Variants in AMMECR1 observed in about 807,000 individuals in gnomAD.
AMMECR1 encodes AMMECR nuclear protein 1.
AMMECR1 carries 3 observed loss-of-function variants against 22.5 expected under a neutral mutation model. That is an observed-to-expected ratio of 0.13 (90% CI 0.06 to 0.35). AMMECR1 has a LOEUF of 0.35. Among genes scored for constraint, AMMECR1 ranks in the 10% least tolerant of loss-of-function variants. The probability of loss-of-function intolerance (pLI) is 1.00; values close to 1 mark genes in which losing one functional copy is unlikely to be tolerated. For missense variants in AMMECR1, 235 were observed against 278.7 expected (o/e 0.84, Z 1.12); for synonymous variants, 130 against 116.7 (o/e 1.11, Z -0.74).
intron 2 of AMMECR1, among the ~76,000 whole-genome samples, chrX:110,250,849 A>G (rs1198909799): frequency 1.8e-5 from 2 of 112,097 alleles, no homozygotes; most frequent in African/African-American, 3.2e-5. Context: ...TTCTAGGTCT[A>G]TGGTTCCATG....
intron 3 of AMMECR1, among the ~76,000 whole-genome samples, chrX:110,215,287 C>G (rs901300864): frequency 1.8e-5 from 2 of 111,675 alleles, no homozygotes; most frequent in East Asian, 5.6e-4. Context: ...TCACCCCACC[C>G]CCTAAAACTT....
In AMMECR1 at chrX:110,264,519, T is replaced by C. The variant is rs1445295667; in HGVS notation, c.554A>G (p.His185Arg). Residue 185 changes from histidine (H) to arginine (R), a missense_variant, in exon 2 of 6, where the codon CAT (histidine) becomes CGT (arginine). This residue lies in a region of AMMECR1 where 111 missense variants were observed against 181.7 expected (regional missense o/e 0.61). Coordinates refer to ENST00000262844, the MANE Select transcript of AMMECR1 (RefSeq NM_015365.3). Reference sequence around the variant, plus strand: ...AAGTGTGTACTCCCTGAGTCCTGAATGCAAATTCATGGCAGAAAAAGTACC... The same window carrying C: ...AAGTGTGTACTCCCTGAGTCCTGAACGCAAATTCATGGCAGAAAAAGTACC... ...CIGTFSAMNL[H>R]SGLREYTLTS... 2.5e-6 allele frequency: 3 copies of C among 1,204,688 alleles called. No homozygotes were observed. The highest frequency in any genetic ancestry group is 3.4e-6 in the Non-Finnish European group (3 of 891,929).
At chrX:110,220,644 C>T (rs1441212047) in intron 2 of AMMECR1, among the ~76,000 whole-genome samples, 1 of 111,660 alleles carries the variant, frequency 9.0e-6, no homozygotes, top group Non-Finnish European at 1.9e-5. Context: ...GCTGCTCCAT[C>T]ACCCATATGA....
chrX:110,344,729 C>A (rs376870265), intron 2 of AMMECR1, among the ~76,000 whole-genome samples: 13 of 111,344 alleles, frequency 1.2e-4, no homozygotes, highest in Non-Finnish European at 1.1e-4. Flanking sequence ...ATGCAGCCAA[C>A]AGACACATGA....
intron 2 of AMMECR1, among the ~76,000 whole-genome samples, chrX:110,253,994 TTAA>T (rs1057303187): frequency 6.3e-5 from 7 of 111,601 alleles, no homozygotes; most frequent in African/African-American, 2.3e-4. Context: ...CACCTCACCG[TTAA>T]TAAGGTGTAT....
At chrX:110,312,384 A>G (rs188941294) in intron 1 of AMMECR1, among the ~76,000 whole-genome samples, 4 of 112,542 alleles carry the variant, frequency 3.6e-5, no homozygotes, top group Non-Finnish European at 5.6e-5. Context: ...ATGGGTTAAC[A>G]GACCATTTTT....
intron 2 of AMMECR1, among the ~76,000 whole-genome samples, chrX:110,232,821 C>T (rs189416635): frequency 1.4e-3 from 132 of 91,217 alleles, no homozygotes; most frequent in African/African-American, 3.4e-3. Context: ...ACCCGGGAGG[C>T]GGAGCTTGCA....
chrX:110,291,577 G>T (rs752919421), intron 1 of AMMECR1, among the ~76,000 whole-genome samples: 37 of 111,231 alleles, frequency 3.3e-4, no homozygotes, highest in Non-Finnish European at 5.3e-4. Context: ...TGGGAGAGGT[G>T]ATGACGGTTA....
At position 110,207,808 on chromosome X, in the gene AMMECR1, G is replaced by T. The variant is rs761820775; in HGVS notation, c.700-5272C>A. ...CTGTAAACATGCATCTTTTTTTCTG[G>T]TTTATAAAAGGAGGACATATGTCTT... On this transcript the variant is annotated intron_variant, in intron 3 of 5. Transcript: ENST00000262844. 3.6e-5 allele frequency among the ~76,000 whole-genome samples: 4 copies of T among 111,099 alleles called. No homozygotes were observed. The East Asian group carries it at 1.1e-3, about 31-fold the overall frequency.
intron 2 of AMMECR1, among the ~76,000 whole-genome samples, chrX:110,250,936 G>T (rs1173220484): frequency 8.9e-6 from 1 of 112,130 alleles, no homozygotes; most frequent in Non-Finnish European, 1.9e-5. Flanking sequence ...TTTCTAAAGT[G>T]TTCTGTATAA....
chrX:110,229,586 A>G (rs2067551418), intron 2 of AMMECR1, among the ~76,000 whole-genome samples: 1 of 112,294 alleles, frequency 8.9e-6, no homozygotes, highest in Non-Finnish European at 1.9e-5. Context: ...TCCCAGCATG[A>G]CCAATGCAGA....
intron 2 of AMMECR1, among the ~76,000 whole-genome samples, chrX:110,221,604 GTAA>G (rs2067500381): frequency 9.0e-6 from 1 of 111,207 alleles, no homozygotes; most frequent in African/African-American, 3.3e-5. Context: ...TCCTTTTACA[GTAA>G]TAATAAAACC....
At chrX:110,345,024 T>C (rs1425568782) in intron 2 of AMMECR1, among the ~76,000 whole-genome samples, 1 of 112,345 alleles carries the variant, frequency 8.9e-6, no homozygotes, top group Non-Finnish European at 1.9e-5. Flanking sequence ...TAAATCATGC[T>C]GCTATAAAGA....
At chrX:110,213,098 T>C (rs2067455750) in intron 3 of AMMECR1, among the ~76,000 whole-genome samples, 1 of 112,406 alleles carries the variant, frequency 8.9e-6, no homozygotes, top group African/African-American at 3.2e-5. Flanking sequence ...TTTCCATTTT[T>C]ATTGTAGTAA....
At chrX:110,248,356 A>G (rs774046961) in intron 2 of AMMECR1, among the ~76,000 whole-genome samples, 1 of 110,884 alleles carries the variant, frequency 9.0e-6, no homozygotes, top group African/African-American at 3.3e-5. Context: ...ACTGTACTCC[A>G]TCTTGGGTGA....
At chrX:110,280,430 G>A (rs752296486) in intron 1 of AMMECR1, among the ~76,000 whole-genome samples, 22 of 111,378 alleles carry the variant, frequency 2.0e-4, no homozygotes, top group Admixed American at 5.7e-4. Context: ...ACATTAAAAC[G>A]TTAAAAACAA....
At chrX:110,235,686 C>T (rs2067596584) in intron 2 of AMMECR1, among the ~76,000 whole-genome samples, 2 of 111,449 alleles carry the variant, frequency 1.8e-5, no homozygotes, top group Admixed American at 1.9e-4. Context: ...AGTTGGAAAC[C>T]ATCATTCTCA....
chrX:110,323,301 T>C (rs1266428831), intron 2 of AMMECR1, among the ~76,000 whole-genome samples: 3 of 111,803 alleles, frequency 2.7e-5, no homozygotes, highest in Non-Finnish European at 5.6e-5. Context: ...ATTCGATGAT[T>C]TTTAGAATAT....
At chrX:110,201,410 A>T (rs887804072) in intron 4 of AMMECR1, among the ~76,000 whole-genome samples, 6 of 111,874 alleles carry the variant, frequency 5.4e-5, no homozygotes, top group African/African-American at 2.0e-4. Flanking sequence ...TGAAAAGCCT[A>T]TATGCCATTT....
Sources: allele counts gnomAD v4.1 joint callset (sites outside exome capture counted in the v4.1 genomes callset), GRCh38; gene constraint gnomAD v4.1.1; regional missense constraint gnomAD v4.1.1; transcripts MANE v1.5; gene names NCBI Gene and HGNC (gene_info 2026-07-23, HGNC 2026-07-21).